RGS17: variants seen among roughly 807,000 people sequenced by gnomAD.
RGS17 encodes the protein regulator of G protein signaling 17.
A neutral mutation model predicts 25.5 loss-of-function variants in RGS17; 12 were observed. That is an observed-to-expected ratio of 0.47 (90% CI 0.30 to 0.76). The LOEUF is 0.76. Among genes scored for constraint, RGS17 ranks in the 30% least tolerant of loss-of-function variants. The pLI is 0.07. For synonymous variants in RGS17, 71 were observed against 76.9 expected (o/e 0.92, Z 0.40); for missense variants, 196 against 242.2 (o/e 0.81, Z 1.27).
chr6:153,020,126 A>ATG (rs1656800426), intron 4 of RGS17, among the ~76,000 whole-genome samples: 2 of 93,526 alleles, frequency 2.1e-5, no homozygotes, highest in African/African-American at 8.4e-5. Context: ...ATATATATAT[A>ATG]TATATATATA....
intron 1 of RGS17, among the ~76,000 whole-genome samples, chr6:153,064,822 A>C (rs1431248208): frequency 6.6e-6 from 1 of 152,196 alleles, no homozygotes; most frequent in Non-Finnish European, 1.5e-5. Flanking sequence ...AAATACAAAA[A>C]ACAAGAAACT....
At chr6:153,114,719 A>G (rs575076038) in intron 1 of RGS17, among the ~76,000 whole-genome samples, 1 of 152,310 alleles carries the variant, frequency 6.6e-6, no homozygotes, top group South Asian at 2.1e-4. Flanking sequence ...CACATTAACA[A>G]GCTTATCCAC....
intron 1 of RGS17, among the ~76,000 whole-genome samples, chr6:153,045,570 A>T (rs1012022483): frequency 1.3e-5 from 2 of 152,210 alleles, no homozygotes; most frequent in Non-Finnish European, 2.9e-5. Flanking sequence ...GTCTTAAGGG[A>T]TTAGTGGAAA....
intron 1 of RGS17, among the ~76,000 whole-genome samples, chr6:153,056,164 T>C (rs1226696822): frequency 6.6e-6 from 1 of 152,206 alleles, no homozygotes; most frequent in East Asian, 1.9e-4. Context: ...TCTGGGCTGG[T>C]TAAACAGTTA....
chr6:153,052,598 C>T (rs1056134950), intron 1 of RGS17, among the ~76,000 whole-genome samples: 14 of 147,752 alleles, frequency 9.5e-5, no homozygotes, highest in Admixed American at 1.4e-4. Context: ...ATGAATGATA[C>T]CTTAAGAATC....
chr6:153,122,991 ATTGGAGT>A (rs1562340222), intron 1 of RGS17, among the ~76,000 whole-genome samples: 1 of 108,712 alleles, frequency 9.2e-6, no homozygotes, highest in South Asian at 3.5e-4. Flanking sequence ...ATTGGAGTAC[ATTGGAGT>A]ACATCAGAGT....
intron 2 of RGS17, among the ~76,000 whole-genome samples, chr6:153,033,559 A>G (rs930915907): frequency 6.6e-6 from 1 of 152,014 alleles, no homozygotes; most frequent in African/African-American, 2.4e-5. Flanking sequence ...CTCTACTAAA[A>G]TACAAAAAAT....
intron 1 of RGS17, among the ~76,000 whole-genome samples, chr6:153,055,564 A>AT (rs143664917): frequency 0.18 from 27,428 of 151,428 alleles, 2,906 homozygotes; most frequent in South Asian, 0.24. Context: ...GGGACTTCAG[A>AT]TTTTTTTTTG....
chr6:153,129,465 C>T (rs1376167010), intron 1 of RGS17, among the ~76,000 whole-genome samples: 3 of 152,216 alleles, frequency 2.0e-5, no homozygotes, highest in Non-Finnish European at 4.4e-5. Context: ...CAAATTATTT[C>T]GTACACGCAG....
chr6:153,035,607 G>C (rs1776229617), intron 2 of RGS17, among the ~76,000 whole-genome samples: 1 of 152,182 alleles, frequency 6.6e-6, no homozygotes, highest in Non-Finnish European at 1.5e-5. Context: ...AAAGAAGTCA[G>C]CCTCATTTTT....
intron 1 of RGS17, among the ~76,000 whole-genome samples, chr6:153,129,688 G>A (rs922890364): frequency 2.6e-5 from 4 of 152,182 alleles, no homozygotes; most frequent in African/African-American, 9.7e-5. Flanking sequence ...ATTTGTGAAA[G>A]CCATCCCACG....
In RGS17 at chr6:153,043,976, C is replaced by T. The variant is rs1169337554; in HGVS notation, c.43G>A (p.Val15Met). Residue 15 changes from valine to methionine, a missense_variant, in exon 2 of 5, where the codon GTG becomes ATG. By Grantham distance (21) the Val-to-Met change is conservative. Transcript: ENST00000206262. ...CTCTGGTTTCCAGGAGCTTGAGACA[C>T]GGCAGGTGTTCCTTCATTTTGGGAC... Reference protein sequence around the residue: ...QQSQNEGTPAVSQAPGNQRPN... With the variant: ...QQSQNEGTPAMSQAPGNQRPN... 13 of 1,612,992 alleles carry T rather than the reference C, an allele frequency of 8.1e-6. No homozygotes were observed. The highest frequency in any genetic ancestry group is 6.6e-5 in the South Asian group (6 of 90,966).
At chr6:153,076,937 T>G (rs1176440173) in intron 1 of RGS17, among the ~76,000 whole-genome samples, 1 of 152,152 alleles carries the variant, frequency 6.6e-6, no homozygotes, top group Non-Finnish European at 1.5e-5. Context: ...ACAAAACCTT[T>G]GTATGGGGCC....
chr6:153,090,694 C>G (rs891796409), intron 1 of RGS17, among the ~76,000 whole-genome samples: 1 of 152,066 alleles, frequency 6.6e-6, no homozygotes, highest in African/African-American at 2.4e-5. Flanking sequence ...CTGTTCTGAG[C>G]AGCATGATTA....
rs1272545862 is a variant in RGS17, at chr6:153,010,244, T to C, written c.*1330A>G. On this transcript the variant is annotated 3_prime_UTR_variant, in exon 5 of 5. Coordinates refer to ENST00000206262, the MANE Select transcript of RGS17 (RefSeq NM_012419.5). ...TTTGATATAAATATGACACTGATTA[T>C]TTTAATTATCACTTTTATGCATGAC... The C allele has an allele frequency of 6.6e-6, 1 of 152,030 alleles. No individual in the cohort carries two copies. Among genetic ancestry groups the C allele is most frequent in the Non-Finnish European group, 1.5e-5 (1 of 67,872 alleles). The allele number at this position is 152,030 out of a possible 1,614,324, so 9.4% of individuals were successfully genotyped here.
intron 1 of RGS17, among the ~76,000 whole-genome samples, chr6:153,088,375 T>A (rs550407931): frequency 6.6e-6 from 1 of 152,320 alleles, no homozygotes; most frequent in South Asian, 2.1e-4. Flanking sequence ...GATGTTGAGT[T>A]TGATATAAGA....
chr6:153,127,141 T>A (rs1273417880), intron 1 of RGS17, among the ~76,000 whole-genome samples: 1 of 152,158 alleles, frequency 6.6e-6, no homozygotes, highest in Non-Finnish European at 1.5e-5. Flanking sequence ...CACGCTCCTA[T>A]GAGAATCTAA....
intron 1 of RGS17, among the ~76,000 whole-genome samples, chr6:153,053,095 T>C (rs1031148321): frequency 1.1e-4 from 17 of 152,344 alleles, no homozygotes; most frequent in Admixed American, 3.3e-4. Flanking sequence ...GCTTATGGCA[T>C]TTTGTTATAG....
intron 1 of RGS17, among the ~76,000 whole-genome samples, chr6:153,101,613 T>A (rs1777304112): frequency 6.6e-6 from 1 of 152,172 alleles, no homozygotes; most frequent in African/African-American, 2.4e-5. Flanking sequence ...GGTGATATGG[T>A]TTGGCTCTGC....
Sources: gnomAD v4.1 joint callset for allele counts (sites outside exome capture counted in the v4.1 genomes callset) on GRCh38, gnomAD v4.1.1 for gene constraint, MANE v1.5 for transcripts, NCBI Gene and HGNC (gene_info 2026-07-23, HGNC 2026-07-21) for gene names.